Variants in WNK1 observed in about 807,000 individuals in gnomAD.
The protein encoded by WNK1 is serine/threonine-protein kinase WNK1.
Under a neutral mutation model 222.8 loss-of-function variants are expected in WNK1, and 38 were observed. The observed-to-expected ratio is 0.17, with a 90% CI of 0.13 to 0.22. The LOEUF is 0.22. WNK1 is among the 10% of genes least tolerant of loss of function. The probability of loss-of-function intolerance (pLI) is 1.00; values close to 1 mark genes in which losing one functional copy is unlikely to be tolerated. For missense variants in WNK1, 2,348 were observed against 2,918.4 expected, an observed-to-expected ratio of 0.80 and a Z score of 4.50; for synonymous variants, 1,090 against 1,092.9, an observed-to-expected ratio of 1.00 and a Z score of 0.05.
At chr12:802,045 T>C (rs1325828101) in intron 1 of WNK1, among the ~76,000 whole-genome samples, 3 of 152,090 alleles carry the variant, frequency 2.0e-5, no homozygotes, top group Admixed American at 2.0e-4. Flanking sequence ...TTAGTAAAAT[T>C]AGGGTGATGG....
chr12:810,925 T>C (rs759261608), intron 1 of WNK1, among the ~76,000 whole-genome samples: 1 of 152,196 alleles, frequency 6.6e-6, no homozygotes, highest in Non-Finnish European at 1.5e-5. Context: ...AGAGGTCATG[T>C]GACACGGATC....
chr12:757,543 A>G (rs1034960263), intron 1 of WNK1, among the ~76,000 whole-genome samples: 6 of 152,136 alleles, frequency 3.9e-5, no homozygotes, highest in African/African-American at 1.4e-4. Flanking sequence ...TTTTGATACC[A>G]CAGGACCTTC....
At chr12:806,398 T>G (rs1406770101) in intron 1 of WNK1, among the ~76,000 whole-genome samples, 1 of 152,184 alleles carries the variant, frequency 6.6e-6, no homozygotes, top group African/African-American at 2.4e-5. Context: ...TTGCTGGTCA[T>G]AAGAAATCCC....
intron 1 of WNK1, among the ~76,000 whole-genome samples, chr12:759,153 T>C (rs1282508798): frequency 6.8e-6 from 1 of 147,306 alleles, no homozygotes; most frequent in African/African-American, 2.4e-5. Context: ...TTTTACATTT[T>C]TTTAGATAAA....
intron 1 of WNK1, among the ~76,000 whole-genome samples, chr12:800,546 A>G (rs756372113): frequency 1.3e-5 from 2 of 152,058 alleles, no homozygotes; most frequent in Non-Finnish European, 2.9e-5. Context: ...CTCTGAGGCA[A>G]TTTCCCCTTT....
rs1488050527 is a variant in WNK1 at position 896,245 on chromosome 12, G to T, written c.5758G>T (p.Asp1920Tyr). Residue 1920 changes from aspartate to tyrosine, a missense_variant, in exon 24 of 28, where the codon GAT becomes TAT. Physicochemically the swap from Asp to Tyr is radical, Grantham distance 160. Transcript: ENST00000315939. ...NGITIPGISS[D>Y]VPESAHKTTA... ...CATAACCATCCCTGGTATCTCTTCAGATGTGCCAGAGAGTGCCCACAAAAC... is the reference window on the plus strand; with the variant it reads ...CATAACCATCCCTGGTATCTCTTCATATGTGCCAGAGAGTGCCCACAAAAC... 6.2e-7 allele frequency: 1 copy of T among 1,614,102 alleles called. No individual in the cohort carries two copies. Among genetic ancestry groups the T allele is most frequent in the African/African-American group, 1.3e-5 (1 of 74,926 alleles).
At position 896,886 on chromosome 12, in the gene WNK1, CCACACACACACACACACACACACACACA is replaced by C. The variant is rs34202153; in HGVS notation, c.6245+180_6245+207del. Among the ~76,000 whole-genome samples, 32,346 of 134,536 alleles carry C rather than the reference CCACACACACACACACACACACACACACA, an allele frequency of 0.24. 4,008 individuals are homozygous for C. The highest frequency in any genetic ancestry group is 0.42 in the East Asian group (1,985 of 4,714). The allele number at this position is 134,536 out of a possible 152,430, so 88.3% of individuals were successfully genotyped here. A position where few individuals can be genotyped will look rare whatever the true frequency, so the allele number is the denominator to read the frequency against. On this transcript the variant is annotated intron_variant, in intron 24 of 27. Transcript: ENST00000315939. ...AGAAGCCCCACCCCATACCTCCCCA[CCACACACACACACACACACACACACACA>C]CACACACACACACACACACACACAC...
In WNK1 at chr12:907,923, C is replaced by T; in HGVS notation, c.6720C>T (p.Ser2240=). 6.2e-7 allele frequency: 1 copy of T among 1,614,132 alleles called. No individual in the cohort carries two copies. The highest frequency in any genetic ancestry group is 1.1e-5 in the South Asian group (1 of 91,082). The change falls in exon 27 of 28, where the codon TCC becomes TCT. Residue 2240 remains serine (S), a synonymous_variant. Transcript: ENST00000315939. The part of the protein sequence containing the change: ...AAQAQPPAMT[S]SRKGTFTDDL... ...AAGCTCAGCCTCCTGCCATGACGTC[C>T]AGCAGGAAGGGCACATTCACAGATG...
At chr12:792,821 T>TA (rs1296309431) in intron 1 of WNK1, among the ~76,000 whole-genome samples, 11 of 151,950 alleles carry the variant, frequency 7.2e-5, no homozygotes, top group Admixed American at 2.0e-4. Context: ...GTACTCACAT[T>TA]AAAAAAAATA....
At chr12:891,602 CTTT>C in intron 22 of WNK1, among the ~76,000 whole-genome samples, 1 of 126,016 alleles carries the variant, frequency 7.9e-6, no homozygotes, top group South Asian at 2.5e-4. Flanking sequence ...GATTTTTTTT[CTTT>C]TTTTTTTTTT....
At position 906,016 on chromosome 12, in the gene WNK1, T is replaced by TA. The variant is rs1170833520; in HGVS notation, c.6644-1830dup. Reference sequence around the variant, plus strand: ...GTGTGCCATTCCCCAGGTGGTAGGATATAAGCTTGACTTGAGACCAGCGAT... The same window carrying TA: ...GTGTGCCATTCCCCAGGTGGTAGGATAATAAGCTTGACTTGAGACCAGCGAT... On this transcript the variant is annotated intron_variant, in intron 26 of 27. Transcript: ENST00000315939. Among the ~76,000 whole-genome samples the TA allele has an allele frequency of 2.0e-5, 3 of 152,320 alleles. No individual in the cohort carries two copies. In the East Asian group the frequency reaches 5.8e-4, roughly 29 times the overall value.
At chr12:882,843 C>G in intron 14 of WNK1, 100 bp from the exon 15 acceptor site, 1 of 791,508 alleles carries the variant, frequency 1.3e-6, no homozygotes, top group Non-Finnish European at 2.2e-6. Context: ...ACTATGCTTC[C>G]TTAGACATAA....
intron 4 of WNK1, among the ~76,000 whole-genome samples, chr12:852,567 C>T (rs1016781979): frequency 2.6e-5 from 4 of 152,152 alleles, no homozygotes; most frequent in African/African-American, 9.6e-5. Flanking sequence ...ATGTCCTTAA[C>T]AAACTCTAGT....
At chr12:893,823 A>AAATAATAATAAT (rs56048238) in intron 22 of WNK1, among the ~76,000 whole-genome samples, 18,075 of 143,652 alleles carry the variant, frequency 0.13, 1,461 homozygotes, top group East Asian at 0.36. Flanking sequence ...ACTCCATCTC[A>AAATAATAATAAT]AATAATAATA....
intron 1 of WNK1, among the ~76,000 whole-genome samples, chr12:756,879 A>C (rs1254194010): frequency 6.6e-6 from 1 of 152,224 alleles, no homozygotes; most frequent in Non-Finnish European, 1.5e-5. Flanking sequence ...TAAAAATCTT[A>C]GTGTATTGAA....
chr12:859,554 G>T (rs1592051242), intron 6 of WNK1, 90 bp downstream of exon 6: 1 of 959,416 alleles, frequency 1.0e-6, no homozygotes, highest in Non-Finnish European at 1.6e-6. Context: ...GAAGTGCCGT[G>T]TGTGGCATAT....
At chr12:867,746 A>G (rs1951796214) in intron 8 of WNK1, 2 of 1,077,368 alleles carry the variant, frequency 1.9e-6, no homozygotes, top group Non-Finnish European at 2.7e-6. Context: ...TTATTTATTT[A>G]TTAATTATAA....
Position 859,203 on chromosome 12 carries a change from G to A in WNK1, c.1401-42G>A, listed in dbSNP as rs963570052. 13 of 1,498,990 alleles carry A rather than the reference G, an allele frequency of 8.7e-6. No homozygotes were observed. In the Admixed American group the frequency reaches 1.2e-4, roughly 14 times the overall value. 92.9% of individuals were successfully genotyped at this position (1,498,990 alleles called of 1,614,324 possible). On this transcript the variant is annotated intron_variant, in intron 5 of 27. Transcript: ENST00000315939. ...TGAAAATTATTTTTTCAAACTAATG[G>A]TGTTTTATTTTTGTTCCTTTTCTTT... is the stretch of plus-strand genomic sequence containing the variant.
At position 762,005 on chromosome 12, in the gene WNK1, G is replaced by A. The variant is rs1464123198; in HGVS notation, c.759+7681G>A. On this transcript the variant is annotated intron_variant, in intron 1 of 27. Transcript: ENST00000315939. ...GCACAAGTCTCTTAAATAAAATGGTGTATTTTCATATAACCTACAGTAGTA... is the reference window on the plus strand; with the variant it reads ...GCACAAGTCTCTTAAATAAAATGGTATATTTTCATATAACCTACAGTAGTA... Among the ~76,000 whole-genome samples the A allele has an allele frequency of 4.1e-5, 6 of 145,970 alleles. 2 individuals are homozygous for A. Among genetic ancestry groups the A allele is most frequent in the Non-Finnish European group, 9.2e-5 (6 of 65,520 alleles).
Sources: gnomAD v4.1 joint callset for allele counts (sites outside exome capture counted in the v4.1 genomes callset) on GRCh38, gnomAD v4.1.1 for gene constraint, MANE v1.5 for transcripts, NCBI Gene and HGNC (gene_info 2026-07-23, HGNC 2026-07-21) for gene names.